The following CD96 variants were observed in gnomAD, a reference collection of about 807,000 sequenced individuals.
CD96 encodes the protein CD96 molecule.
Under a neutral mutation model 71.3 loss-of-function variants are expected in CD96, and 70 were observed. The observed-to-expected ratio is 0.98, with a 90% CI of 0.81 to 1.20. The LOEUF (loss-of-function observed/expected upper bound fraction) is 1.20. Among genes scored for constraint, CD96 ranks in the 50% most tolerant of loss-of-function variants. The pLI is 0.00. For missense variants in CD96, 742 were observed against 677.5 expected, an observed-to-expected ratio of 1.10 and a Z score of -1.06; for synonymous variants, 248 against 233.0, an observed-to-expected ratio of 1.06 and a Z score of -0.59.
At chr3:111,663,026 C>A (rs541361196) in intron 14 of CD96, among the ~76,000 whole-genome samples, 2 of 152,252 alleles carry the variant, frequency 1.3e-5, no homozygotes, top group African/African-American at 4.8e-5. Flanking sequence ...TTAACTGACT[C>A]GCAATTCCAC....
chr3:111,592,283 T>C (rs1353067332), intron 5 of CD96, among the ~76,000 whole-genome samples: 1 of 152,168 alleles, frequency 6.6e-6, no homozygotes, highest in Non-Finnish European at 1.5e-5. Flanking sequence ...GAAATTACTC[T>C]CTCCCTATAG....
intron 5 of CD96, among the ~76,000 whole-genome samples, chr3:111,586,485 C>G (rs981698755): frequency 2.6e-5 from 4 of 152,144 alleles, no homozygotes; most frequent in African/African-American, 7.2e-5. Context: ...ATATTAGTCT[C>G]TTAGGTAACT....
chr3:111,561,751 C>T (rs1403843281), intron 2 of CD96, among the ~76,000 whole-genome samples: 2 of 145,712 alleles, frequency 1.4e-5, no homozygotes, highest in African/African-American at 2.5e-5. Flanking sequence ...TTCGAGCTTC[C>T]CGGCTGCTTT....
intron 5 of CD96, among the ~76,000 whole-genome samples, chr3:111,587,282 C>T (rs1425995007): frequency 3.3e-5 from 5 of 152,114 alleles, no homozygotes; most frequent in Admixed American, 2.6e-4. Context: ...CACAGGCTGG[C>T]ATTGAGTGTC....
Position 111,546,894 on chromosome 3 carries a change from C to CCA in CD96, c.418+1509_418+1510dup, listed in dbSNP as rs751844646. Among the ~76,000 whole-genome samples, 734 of 76,178 alleles carry CCA rather than the reference C, an allele frequency of 9.6e-3. 7 individuals are homozygous for CCA. The highest frequency in any genetic ancestry group is 0.029 in the Middle Eastern group (3 of 102). The allele number at this position is 76,178 out of a possible 152,430, so 50.0% of individuals were successfully genotyped here. On this transcript the variant is annotated intron_variant, in intron 2 of 13. Coordinates refer to ENST00000352690, the MANE Select transcript of CD96 (RefSeq NM_005816.5). Reference sequence around the variant, plus strand: ...TGCTGTTTTCCAGGAGGAAAACACACCACACACACACACACACAGACACAT... The same window carrying CCA: ...TGCTGTTTTCCAGGAGGAAAACACACCACACACACACACACACACAGACACAT...
intron 14 of CD96, among the ~76,000 whole-genome samples, chr3:111,663,312 C>A (rs1940401412): frequency 6.6e-6 from 1 of 152,186 alleles, no homozygotes; most frequent in Non-Finnish European, 1.5e-5. Flanking sequence ...CTGGGAATTA[C>A]AATTCAACAT....
chr3:111,653,980 T>C (rs928189753), downstream of CD96, among the ~76,000 whole-genome samples: 14 of 152,068 alleles, frequency 9.2e-5, no homozygotes, highest in Non-Finnish European at 1.8e-4. Flanking sequence ...AAAGAAAGTT[T>C]AGAGAAACTT....
chr3:111,556,661 A>G (rs1935065667), intron 2 of CD96, among the ~76,000 whole-genome samples: 2 of 137,114 alleles, frequency 1.5e-5, no homozygotes, highest in South Asian at 4.7e-4. Context: ...GCCGCAATAA[A>G]CATACGTGTG....
In CD96 at chr3:111,649,787, A is replaced by G; in HGVS notation, c.1691A>G (p.His564Arg). ...QEPNESDLPY[H>R]EMETL Reference sequence around the variant, plus strand: ...CCCAACGAAAGTGATCTGCCTTATCATGAGATGGAGACCCTCTAGTCTCGT... The same window carrying G: ...CCCAACGAAAGTGATCTGCCTTATCGTGAGATGGAGACCCTCTAGTCTCGT... The change falls in exon 14 of 14, where the codon CAT (histidine) becomes CGT (arginine). Residue 564 changes from histidine to arginine, a missense_variant. Physicochemically the swap from His to Arg is conservative, Grantham distance 29. Coordinates refer to ENST00000352690, the MANE Select transcript of CD96 (RefSeq NM_005816.5). 6.2e-7 allele frequency: 1 copy of G among 1,606,838 alleles called. No homozygotes were observed. The highest frequency in any genetic ancestry group is 1.1e-5 in the South Asian group (1 of 90,938).
intron 8 of CD96, among the ~76,000 whole-genome samples, chr3:111,614,395 A>C (rs1938118650): frequency 6.6e-6 from 1 of 152,096 alleles, no homozygotes; most frequent in Non-Finnish European, 1.5e-5. Context: ...ATGTAATCTG[A>C]CTTAGGTGTC....
chr3:111,550,473 G>T (rs1934641320), intron 2 of CD96, among the ~76,000 whole-genome samples: 1 of 151,990 alleles, frequency 6.6e-6, no homozygotes, highest in Admixed American at 6.6e-5. Flanking sequence ...TTAATGGGCA[G>T]GATCTAGTTG....
intron 8 of CD96, among the ~76,000 whole-genome samples, chr3:111,618,300 A>C (rs905052880): frequency 6.6e-6 from 1 of 152,242 alleles, no homozygotes; most frequent in Admixed American, 6.5e-5. Context: ...TCTGGCTGGC[A>C]AAGCAAGACC....
intron 2 of CD96, among the ~76,000 whole-genome samples, chr3:111,560,023 AT>A (rs1935301408): frequency 7.8e-6 from 1 of 128,040 alleles, no homozygotes; most frequent in Admixed American, 8.0e-5. Context: ...AGAGACTAGG[AT>A]TGCAACCCCT....
At chr3:111,542,754 T>C (rs1934168990) in intron 1 of CD96, among the ~76,000 whole-genome samples, 1 of 152,230 alleles carries the variant, frequency 6.6e-6, no homozygotes, top group African/African-American at 2.4e-5. Flanking sequence ...GTATTTCTCA[T>C]CCAAATACTA....
chr3:111,619,745 T>C (rs1221136154), intron 8 of CD96, among the ~76,000 whole-genome samples: 1 of 152,224 alleles, frequency 6.6e-6, no homozygotes, highest in Non-Finnish European at 1.5e-5. Flanking sequence ...ATTTTTTAAT[T>C]CTCTGCATGA....
At chr3:111,567,395 T>TTGC (rs1935768542) in intron 2 of CD96, 128 bp from the exon 3 acceptor site, 1 of 730,388 alleles carries the variant, frequency 1.4e-6, no homozygotes, top group African/African-American at 1.8e-5. Context: ...AGTTTGCCTC[T>TTGC]CTTTTTCATA....
intron 10 of CD96, among the ~76,000 whole-genome samples, chr3:111,631,099 C>T (rs1273995407): frequency 6.6e-6 from 1 of 152,082 alleles, no homozygotes; most frequent in East Asian, 1.9e-4. Flanking sequence ...ACAGGGTTGC[C>T]CTCTCTCAGC....
intron 7 of CD96, 53 bp from the exon 8 acceptor site, chr3:111,606,647 A>G (rs1019794498): frequency 5.5e-6 from 5 of 908,110 alleles, no homozygotes; most frequent in South Asian, 3.9e-5. Context: ...TCAATACTTT[A>G]TCTTTTGATT....
chr3:111,600,343 A>G (rs184060870), intron 6 of CD96, among the ~76,000 whole-genome samples: 2 of 152,340 alleles, frequency 1.3e-5, no homozygotes, highest in Admixed American at 1.3e-4. Context: ...TATTCCTGCA[A>G]CATAACCAGA....
Sources: gnomAD v4.1 joint callset for allele counts (sites outside exome capture counted in the v4.1 genomes callset) on GRCh38, gnomAD v4.1.1 for gene constraint, MANE v1.5 for transcripts, NCBI Gene and HGNC (gene_info 2026-07-23, HGNC 2026-07-21) for gene names.